Variants in PDSS2 observed in about 807,000 individuals in gnomAD.
The protein encoded by PDSS2 is all trans-polyprenyl-diphosphate synthase PDSS2.
PDSS2 carries 31 observed loss-of-function variants against 44.5 expected under a neutral mutation model. That is an observed-to-expected ratio of 0.70 (90% CI 0.52 to 0.94). The LOEUF (loss-of-function observed/expected upper bound fraction) is 0.94, where lower values mean the gene tolerates loss of function less well. Ranked by LOEUF, PDSS2 falls within the 40% of genes least tolerant of loss-of-function variation. PDSS2 has a pLI of 0.00. For missense variants in PDSS2, 452 were observed against 482.2 expected (o/e 0.94, Z 0.59); for synonymous variants, 157 against 180.3 (o/e 0.87, Z 1.03).
intron 4 of PDSS2, among the ~76,000 whole-genome samples, chr6:107,221,069 G>A (rs1352825205): frequency 6.6e-6 from 1 of 152,176 alleles, no homozygotes; most frequent in African/African-American, 2.4e-5. Flanking sequence ...CAGGACGGGC[G>A]CGGTGGCTCA....
chr6:107,242,532 C>A (rs934721188), intron 4 of PDSS2, among the ~76,000 whole-genome samples: 2 of 151,778 alleles, frequency 1.3e-5, no homozygotes, highest in African/African-American at 4.8e-5. Flanking sequence ...GCGTGAGCCA[C>A]CACGCCTGGC....
At chr6:107,267,154 TGGTTTTCTAAGGTGGCAACTA>T (rs1775435662) in intron 3 of PDSS2, among the ~76,000 whole-genome samples, 1 of 152,174 alleles carries the variant, frequency 6.6e-6, no homozygotes, top group Non-Finnish European at 1.5e-5. Context: ...CAACGAGTCT[TGGTTTTCTAAGGTGGCAACTA>T]TACCGAGGCA....
chr6:107,253,399 A>G (rs1382483644), intron 3 of PDSS2, among the ~76,000 whole-genome samples: 1 of 152,162 alleles, frequency 6.6e-6, no homozygotes. Flanking sequence ...TAACTTTTAC[A>G]TTTACTTTTT....
chr6:107,360,265 G>C (rs890634494), intron 1 of PDSS2, among the ~76,000 whole-genome samples: 1 of 152,180 alleles, frequency 6.6e-6, no homozygotes, highest in Non-Finnish European at 1.5e-5. Context: ...GACCTCCTCT[G>C]TCTCATGCAT....
intron 7 of PDSS2, among the ~76,000 whole-genome samples, chr6:107,157,532 C>T (rs1184136166): frequency 6.6e-6 from 1 of 151,968 alleles, no homozygotes; most frequent in Non-Finnish European, 1.5e-5. Flanking sequence ...GCTGTCTCCC[C>T]CACCCCAACA....
At chr6:107,237,838 T>C (rs946465662) in intron 4 of PDSS2, among the ~76,000 whole-genome samples, 4 of 149,120 alleles carry the variant, frequency 2.7e-5, no homozygotes, top group Non-Finnish European at 5.9e-5. Flanking sequence ...GGAGGTTGCA[T>C]TGAGCCAAGA....
intron 6 of PDSS2, among the ~76,000 whole-genome samples, chr6:107,205,480 C>A (rs1772941954): frequency 6.6e-6 from 1 of 152,148 alleles, no homozygotes; most frequent in Non-Finnish European, 1.5e-5. Flanking sequence ...TATTAGGAAT[C>A]AAAATGATAA....
intron 6 of PDSS2, among the ~76,000 whole-genome samples, chr6:107,205,659 C>T (rs1319738231): frequency 6.6e-6 from 1 of 152,062 alleles, no homozygotes; most frequent in Admixed American, 6.6e-5. Flanking sequence ...CAGCTGTTTC[C>T]GGTCTTAACT....
chr6:107,324,563 C>G (rs1197085975), intron 2 of PDSS2, among the ~76,000 whole-genome samples: 1 of 152,072 alleles, frequency 6.6e-6, no homozygotes, highest in Admixed American at 6.6e-5. Flanking sequence ...CACCTTTAGA[C>G]CATTCCCTTA....
chr6:107,390,082 G>T (rs1280149237), intron 1 of PDSS2, among the ~76,000 whole-genome samples: 1 of 152,026 alleles, frequency 6.6e-6, no homozygotes, highest in Non-Finnish European at 1.5e-5. Context: ...CAGATAAATG[G>T]GGAGAAAAGA....
At chr6:107,275,529 A>G (rs879905649) in intron 2 of PDSS2, among the ~76,000 whole-genome samples, 4 of 152,134 alleles carry the variant, frequency 2.6e-5, no homozygotes, top group African/African-American at 4.8e-5. Flanking sequence ...GGAAAGCCTG[A>G]TAAGTGCCTA....
intron 3 of PDSS2, among the ~76,000 whole-genome samples, chr6:107,271,145 G>GT (rs1271226503): frequency 6.6e-6 from 1 of 152,120 alleles, no homozygotes. Context: ...TACTCTTCTT[G>GT]TTTTCATGTG....
chr6:107,189,193 G>A (rs1031747528), intron 7 of PDSS2, among the ~76,000 whole-genome samples: 2 of 152,036 alleles, frequency 1.3e-5, no homozygotes, highest in African/African-American at 4.8e-5. Flanking sequence ...GAGTATGAGT[G>A]TGCACCAACA....
intron 4 of PDSS2, among the ~76,000 whole-genome samples, chr6:107,215,576 G>A (rs1446423035): frequency 6.6e-6 from 1 of 152,024 alleles, no homozygotes; most frequent in African/African-American, 2.4e-5. Context: ...ATAAGAGAAA[G>A]GTAGATGTAA....
chr6:107,324,955 G>A (rs2500582), intron 2 of PDSS2, among the ~76,000 whole-genome samples: 147,361 of 152,228 alleles, frequency 0.97, 71,490 homozygotes, highest in East Asian at 1. Context: ...ATTAGAAGTC[G>A]TCAGATGCTA....
intron 2 of PDSS2, among the ~76,000 whole-genome samples, chr6:107,301,150 A>G (rs558731733): frequency 1.3e-5 from 2 of 152,216 alleles, no homozygotes; most frequent in Admixed American, 1.3e-4. Flanking sequence ...TATAGTATAT[A>G]AATTGTGATT....
chr6:107,335,682 G>A (rs1292274758), intron 1 of PDSS2, among the ~76,000 whole-genome samples: 2 of 151,982 alleles, frequency 1.3e-5, no homozygotes, highest in Non-Finnish European at 2.9e-5. Context: ...TATTACAAAT[G>A]GTTGTCATTC....
intron 1 of PDSS2, among the ~76,000 whole-genome samples, chr6:107,451,030 C>A (rs1781850092): frequency 6.6e-6 from 1 of 152,170 alleles, no homozygotes; most frequent in Non-Finnish European, 1.5e-5. Context: ...CAGCATTTTG[C>A]CACATTGCCC....
At chr6:107,318,527 G>C (rs1777276048) in intron 2 of PDSS2, among the ~76,000 whole-genome samples, 1 of 151,798 alleles carries the variant, frequency 6.6e-6, no homozygotes, top group African/African-American at 2.4e-5. Flanking sequence ...ATCTGAAGTA[G>C]AAAATGAAAA....
Sources: gnomAD v4.1 joint callset for allele counts (sites outside exome capture counted in the v4.1 genomes callset) on GRCh38, gnomAD v4.1.1 for gene constraint, MANE v1.5 for transcripts, NCBI Gene and HGNC (gene_info 2026-07-23, HGNC 2026-07-21) for gene names.